BABAM2: variants seen among roughly 807,000 people sequenced by gnomAD.
BABAM2 encodes BRISC and BRCA1 A complex member 2.
BABAM2 carries 31 observed loss-of-function variants against 54.7 expected under a neutral mutation model. The observed-to-expected ratio is 0.57, with a 90% CI of 0.43 to 0.77. The LOEUF (loss-of-function observed/expected upper bound fraction) is 0.77, where lower values mean the gene tolerates loss of function less well. Ranked by LOEUF, BABAM2 falls within the 30% of genes least tolerant of loss-of-function variation. The pLI is 0.00. For missense variants in BABAM2, 364 were observed against 455.8 expected (o/e 0.80, Z 1.83); for synonymous variants, 167 against 162.9 (o/e 1.03, Z -0.19).
At chr2:27,963,575 T>C (rs1378131739) in intron 3 of BABAM2, among the ~76,000 whole-genome samples, 1 of 152,032 alleles carries the variant, frequency 6.6e-6, no homozygotes, top group Non-Finnish European at 1.5e-5. Flanking sequence ...ATATCTTTAG[T>C]AGCCAACATG....
intron 6 of BABAM2, among the ~76,000 whole-genome samples, chr2:28,098,344 G>A (rs1343555101): frequency 6.6e-6 from 1 of 151,974 alleles, no homozygotes; most frequent in African/African-American, 2.4e-5. Flanking sequence ...TTCTGGCTAC[G>A]GCCCATAGTA....
intron 7 of BABAM2, among the ~76,000 whole-genome samples, chr2:28,184,263 C>CCTTT (rs1676005941): frequency 1.7e-5 from 1 of 59,372 alleles, no homozygotes; most frequent in Non-Finnish European, 3.1e-5. Context: ...TCCCTCCCTC[C>CCTTT]CTCTCTCTCT....
chr2:28,015,896 C>CA (rs1573395762), intron 4 of BABAM2: 2 of 593,768 alleles, frequency 3.4e-6, no homozygotes, highest in East Asian at 1.1e-4. Context: ...TCCATATACT[C>CA]TGATTCTGAC....
intron 7 of BABAM2, among the ~76,000 whole-genome samples, chr2:28,221,049 C>T (rs930864556): frequency 6.6e-6 from 1 of 152,170 alleles, no homozygotes; most frequent in African/African-American, 2.4e-5. Flanking sequence ...TTGGATTTCC[C>T]TCAGTTAACC....
chr2:28,313,274 CA>C (rs1346263407), intron 11 of BABAM2, among the ~76,000 whole-genome samples: 2 of 152,186 alleles, frequency 1.3e-5, no homozygotes, highest in Non-Finnish European at 2.9e-5. Context: ...CGTCTATGGG[CA>C]AAAGAGAAGA....
chr2:28,289,334 T>C (rs1687087010), intron 10 of BABAM2, among the ~76,000 whole-genome samples: 1 of 152,234 alleles, frequency 6.6e-6, no homozygotes, highest in Non-Finnish European at 1.5e-5. Context: ...GATTTCTGCG[T>C]CTGTGAATAT....
In BABAM2 at chr2:27,947,361, C is replaced by G. The variant is rs545528090; in HGVS notation, c.205+17453C>G. ...TAGTGTTCAGAATACATATCTTTAACTTTTCACAGTCTACCATTAAAAATA... is the reference window on the plus strand; with the variant it reads ...TAGTGTTCAGAATACATATCTTTAAGTTTTCACAGTCTACCATTAAAAATA... On this transcript the variant is annotated intron_variant, in intron 3 of 11. Coordinates refer to ENST00000379624, the MANE Select transcript of BABAM2 (RefSeq NM_199191.3). 3.3e-5 allele frequency among the ~76,000 whole-genome samples: 5 copies of G among 152,160 alleles called. No individual in the cohort carries two copies. In the East Asian group the frequency reaches 9.6e-4, roughly 29 times the overall value.
chr2:28,102,166 A>T (rs1667138598), intron 6 of BABAM2, among the ~76,000 whole-genome samples: 1 of 152,216 alleles, frequency 6.6e-6, no homozygotes, highest in African/African-American at 2.4e-5. Context: ...ATAGTGCCTG[A>T]CACGTAGAAG....
chr2:28,112,600 G>C (rs56066346), intron 6 of BABAM2, among the ~76,000 whole-genome samples: 1 of 151,864 alleles, frequency 6.6e-6, no homozygotes, highest in East Asian at 1.9e-4. Context: ...CTTTTTCCAG[G>C]CTATCATTGA....
chr2:27,932,826 T>A (rs979969102), intron 3 of BABAM2, among the ~76,000 whole-genome samples: 1 of 152,186 alleles, frequency 6.6e-6, no homozygotes, highest in African/African-American at 2.4e-5. Flanking sequence ...CTCACATTAT[T>A]ACAGGTCAAA....
intron 7 of BABAM2, among the ~76,000 whole-genome samples, chr2:28,228,861 G>C (rs1371253209): frequency 6.6e-6 from 1 of 152,140 alleles, no homozygotes; most frequent in Non-Finnish European, 1.5e-5. Context: ...TTAAAGGCTT[G>C]TTTGAGATGT....
chr2:28,087,401 C>G (rs1665751929), intron 6 of BABAM2, among the ~76,000 whole-genome samples: 2 of 152,118 alleles, frequency 1.3e-5, no homozygotes, highest in South Asian at 2.1e-4. Context: ...CAGGAGCTCT[C>G]AGTGAGTCCT....
chr2:28,118,409 AT>A (rs1668786384), intron 6 of BABAM2, among the ~76,000 whole-genome samples: 1 of 152,130 alleles, frequency 6.6e-6, no homozygotes, highest in African/African-American at 2.4e-5. Context: ...AATAATTGCC[AT>A]TCTGACTGGC....
intron 6 of BABAM2, among the ~76,000 whole-genome samples, chr2:28,072,455 G>C (rs556495946): frequency 3.4e-4 from 51 of 151,884 alleles, no homozygotes; most frequent in African/African-American, 1.1e-3. Context: ...GCACGATCTT[G>C]GCTCACTGCA....
At chr2:28,287,572 T>C (rs1210791684) in intron 10 of BABAM2, among the ~76,000 whole-genome samples, 1 of 152,100 alleles carries the variant, frequency 6.6e-6, no homozygotes, top group Non-Finnish European at 1.5e-5. Context: ...TACACTGAAA[T>C]TGTCAACAAT....
intron 7 of BABAM2, among the ~76,000 whole-genome samples, chr2:28,221,241 A>C (rs1393179738): frequency 6.6e-6 from 1 of 151,772 alleles, no homozygotes; most frequent in East Asian, 1.9e-4. Context: ...GGATGTGCTC[A>C]TCCGGTGCCA....
chr2:28,235,274 G>A (rs1302559724), intron 7 of BABAM2, among the ~76,000 whole-genome samples: 1 of 151,772 alleles, frequency 6.6e-6, no homozygotes, highest in Admixed American at 6.6e-5. Flanking sequence ...CTCCTTGGGT[G>A]CAAGCAATTT....
chr2:28,251,148 ACTAT>A (rs143669265), intron 10 of BABAM2, among the ~76,000 whole-genome samples: 272 of 152,256 alleles, frequency 1.8e-3, no homozygotes, highest in African/African-American at 6.3e-3. Flanking sequence ...TTTGTCTTTA[ACTAT>A]CTGTTTGTTC....
chr2:28,201,537 A>G (rs1020249052), intron 7 of BABAM2, among the ~76,000 whole-genome samples: 1 of 152,190 alleles, frequency 6.6e-6, no homozygotes, highest in African/African-American at 2.4e-5. Context: ...TTCCGCTTGC[A>G]TAAGAAGAAA....
Sources: gnomAD v4.1 joint callset for allele counts (sites outside exome capture counted in the v4.1 genomes callset) on GRCh38, gnomAD v4.1.1 for gene constraint, MANE v1.5 for transcripts, NCBI Gene and HGNC (gene_info 2026-07-23, HGNC 2026-07-21) for gene names.